The following GNG2 variants were observed in gnomAD, a reference collection of about 807,000 sequenced individuals.
GNG2 encodes G protein subunit gamma 2, also known as guanine nucleotide-binding protein G(I)/G(S)/G(O) subunit gamma-2.
Under a neutral mutation model 5.5 loss-of-function variants are expected in GNG2, and 5 were observed. The ratio of observed to expected loss-of-function variants is 0.91; its 90% CI spans 0.48 to 1.92. The LOEUF (loss-of-function observed/expected upper bound fraction) is 1.92. Among genes scored for constraint, GNG2 ranks in the 30% most tolerant of loss-of-function variants. The probability of loss-of-function intolerance (pLI) is 0.01; values close to 1 mark genes in which losing one functional copy is unlikely to be tolerated. For synonymous variants in GNG2, 28 were observed against 32.0 expected, an observed-to-expected ratio of 0.88 and a Z score of 0.42; for missense variants, 55 against 88.4, an observed-to-expected ratio of 0.62 and a Z score of 1.52.
At chr14:51,836,719 A>G (rs1881340413) in intron 2 of GNG2, among the ~76,000 whole-genome samples, 3 of 152,134 alleles carry the variant, frequency 2.0e-5, no homozygotes, top group Non-Finnish European at 4.4e-5. Context: ...CTGGAAAAAA[A>G]AAATCATAAG....
rs1887744784 is a variant in GNG2 at position 51,932,822 on chromosome 14, G to GA, written c.-29-17823dup. Among the ~76,000 whole-genome samples the GA allele has an allele frequency of 2.7e-5, 4 of 150,616 alleles. No homozygotes were observed. The South Asian group carries it at 8.4e-4, about 32-fold the overall frequency. On this transcript the variant is annotated intron_variant, in intron 2 of 3. Coordinates refer to ENST00000556766, the MANE Select transcript of GNG2 (RefSeq NM_053064.5). ...AGAATCCATAAATGTTAATTATAAGGAAAAAGGATGTTTGCAGATGTGATT... is the reference window on the plus strand; with the variant it reads ...AGAATCCATAAATGTTAATTATAAGGAAAAAAGGATGTTTGCAGATGTGATT...
intron 2 of GNG2, among the ~76,000 whole-genome samples, chr14:51,880,228 T>G (rs1566661027): frequency 1.3e-5 from 2 of 152,228 alleles, no homozygotes; most frequent in Non-Finnish European, 1.5e-5. Context: ...CTGGAGGGTT[T>G]GCCTACAGTG....
chr14:51,883,540 C>T (rs1349466084), intron 2 of GNG2, among the ~76,000 whole-genome samples: 1 of 152,004 alleles, frequency 6.6e-6, no homozygotes, highest in Non-Finnish European at 1.5e-5. Flanking sequence ...GAGAGGTAGC[C>T]ACATGTACTG....
At chr14:51,922,161 T>C (rs540137141) in intron 2 of GNG2, among the ~76,000 whole-genome samples, 1 of 150,776 alleles carries the variant, frequency 6.6e-6, no homozygotes, top group Non-Finnish European at 1.5e-5. Flanking sequence ...ATTCAGACTA[T>C]TGTGATTTGG....
chr14:51,834,039 T>C (rs144836674), intron 2 of GNG2, among the ~76,000 whole-genome samples: 9 of 152,328 alleles, frequency 5.9e-5, no homozygotes, highest in African/African-American at 2.2e-4. Flanking sequence ...GCCCCTGCTC[T>C]CTGGACAATT....
intron 1 of GNG2, among the ~76,000 whole-genome samples, chr14:51,875,763 TATA>T (rs1041824202): frequency 6.0e-5 from 9 of 150,820 alleles, no homozygotes; most frequent in African/African-American, 1.9e-4. Flanking sequence ...TCACACTATA[TATA>T]ATATTTTATA....
chr14:51,882,993 G>C (rs1471030166), intron 2 of GNG2, among the ~76,000 whole-genome samples: 1 of 138,958 alleles, frequency 7.2e-6, no homozygotes, highest in African/African-American at 2.7e-5. Context: ...CTGGGTGACA[G>C]AGCGAGACTC....
chr14:51,885,590 A>AACACAC lies in GNG2; in HGVS notation c.-30+7948_-30+7953dup, dbSNP rs148960161. Among the ~76,000 whole-genome samples the AACACAC allele has an allele frequency of 5.8e-4, 87 of 150,224 alleles. No individual in the cohort carries two copies. In the East Asian group the frequency reaches 0.014, roughly 24 times the overall value. On this transcript the variant is annotated intron_variant, in intron 2 of 3. Transcript: ENST00000556766. ...TTTTCTATCCCCTGCCGTATTCTAT[A>AACACAC]ACACACACACACACACACACCCCCG...
chr14:51,841,045 A>T (rs1438324671), intron 2 of GNG2, among the ~76,000 whole-genome samples: 4 of 152,212 alleles, frequency 2.6e-5, no homozygotes, highest in Non-Finnish European at 5.9e-5. Context: ...AATGCATAAT[A>T]TGAAACCCAA....
At chr14:51,922,914 G>T (rs1168005074) in intron 2 of GNG2, among the ~76,000 whole-genome samples, 1 of 152,186 alleles carries the variant, frequency 6.6e-6, no homozygotes, top group Non-Finnish European at 1.5e-5. Context: ...GGAAAGCCTT[G>T]TGTATAATGC....
At chr14:51,888,662 C>T (rs992251647) in intron 2 of GNG2, among the ~76,000 whole-genome samples, 2 of 152,130 alleles carry the variant, frequency 1.3e-5, no homozygotes, top group African/African-American at 4.8e-5. Context: ...CCACAGCTGA[C>T]GTCTCCATTA....
chr14:51,920,380 C>A (rs1886944671), intron 2 of GNG2, among the ~76,000 whole-genome samples: 1 of 150,576 alleles, frequency 6.6e-6, no homozygotes, highest in Admixed American at 6.6e-5. Context: ...AATTATAATA[C>A]CTAATACAAT....
chr14:51,864,617 A>G (rs1176549471), intron 1 of GNG2, among the ~76,000 whole-genome samples: 1 of 152,216 alleles, frequency 6.6e-6, no homozygotes, highest in Non-Finnish European at 1.5e-5. Context: ...AGTGAAATTC[A>G]AACCTTTATT....
At chr14:51,900,114 T>G (rs2140177809) in intron 2 of GNG2, among the ~76,000 whole-genome samples, 1 of 152,338 alleles carries the variant, frequency 6.6e-6, no homozygotes, top group African/African-American at 2.4e-5. Context: ...CTGAACCATT[T>G]TACATTCCCC....
chr14:51,964,031 A>G (rs921362289), intron 3 of GNG2, among the ~76,000 whole-genome samples: 2 of 152,206 alleles, frequency 1.3e-5, no homozygotes, highest in East Asian at 3.8e-4. Context: ...ATGTAATCAA[A>G]TTAAGAGGAA....
At chr14:51,950,937 T>G (rs752831347) in intron 3 of GNG2, among the ~76,000 whole-genome samples, 172 bp downstream of exon 3, 13 of 151,892 alleles carry the variant, frequency 8.6e-5, no homozygotes, top group African/African-American at 3.1e-4. Flanking sequence ...AATAATAGAA[T>G]GAATTAGATC....
At chr14:51,953,881 A>T (rs1889125063) in intron 3 of GNG2, among the ~76,000 whole-genome samples, 1 of 152,170 alleles carries the variant, frequency 6.6e-6, no homozygotes, top group Non-Finnish European at 1.5e-5. Flanking sequence ...GTGATTTTCC[A>T]GTGAGAGTAG....
chr14:51,900,843 G>A (rs1193350748), intron 2 of GNG2, among the ~76,000 whole-genome samples: 2 of 152,002 alleles, frequency 1.3e-5, no homozygotes, highest in Non-Finnish European at 2.9e-5. Context: ...AAAAGTAATG[G>A]TGTAAATGTA....
chr14:51,926,167 T>TAAAAATGA (rs1887307982), intron 2 of GNG2, among the ~76,000 whole-genome samples: 1 of 152,162 alleles, frequency 6.6e-6, no homozygotes, highest in Admixed American at 6.5e-5. Flanking sequence ...TAATAAGTTC[T>TAAAAATGA]CAATCTGATG....
Sources: gnomAD v4.1 joint callset for allele counts (sites outside exome capture counted in the v4.1 genomes callset) on GRCh38, gnomAD v4.1.1 for gene constraint, MANE v1.5 for transcripts, NCBI Gene and HGNC (gene_info 2026-07-23, HGNC 2026-07-21) for gene names.